ABCA12: variants seen among roughly 807,000 people sequenced by gnomAD.
ABCA12 encodes glucosylceramide transporter ABCA12.
In ABCA12, 156 loss-of-function variants were observed where a neutral mutation model predicts 293.5. The observed-to-expected ratio is 0.53, with a 90% CI of 0.47 to 0.61. The LOEUF (loss-of-function observed/expected upper bound fraction) is 0.61. Among genes scored for constraint, ABCA12 ranks in the 20% least tolerant of loss-of-function variants. The pLI is 0.00. For missense variants in ABCA12, 2,797 were observed against 3,090.2 expected, an observed-to-expected ratio of 0.91 and a Z score of 2.25; for synonymous variants, 1,063 against 1,108.0, an observed-to-expected ratio of 0.96 and a Z score of 0.81.
rs1411002556 is a variant in ABCA12 at position 214,990,707 on chromosome 2, A to G, written c.3619T>C (p.Phe1207Leu). Residue 1207 changes from phenylalanine to leucine, a missense_variant, in exon 24 of 53, where the codon TTC (phenylalanine) becomes CTC (leucine). Transcript: ENST00000272895. ...CATTCCAACGGTTGACTTACCATGA[A>G]CACTTTCAATACATAGCTCAACTCA... ...ENELSYVLKV[F>L]MSLLSPTAFS... The G allele has an allele frequency of 7.4e-6, 12 of 1,613,914 alleles. 1 individual carries two copies. The South Asian group carries it at 1.3e-4, about 18-fold the overall frequency.
At chr2:214,969,577 AT>A (rs1268531960) in intron 37 of ABCA12, among the ~76,000 whole-genome samples, 1 of 152,134 alleles carries the variant, frequency 6.6e-6, no homozygotes, top group African/African-American at 2.4e-5. Context: ...AATAAAACCC[AT>A]TTTGTTAAAA....
At chr2:215,079,443 A>G (rs1328146275) in intron 2 of ABCA12, among the ~76,000 whole-genome samples, 2 of 152,202 alleles carry the variant, frequency 1.3e-5, no homozygotes, top group Non-Finnish European at 1.5e-5. Flanking sequence ...ATATTGATGG[A>G]TAAATAATAG....
intron 9 of ABCA12, among the ~76,000 whole-genome samples, chr2:215,031,090 C>A (rs1266793391): frequency 6.6e-6 from 1 of 152,150 alleles, no homozygotes; most frequent in African/African-American, 2.4e-5. Flanking sequence ...CCATAATTAT[C>A]ACAGTTACTT....
intron 17 of ABCA12, among the ~76,000 whole-genome samples, 192 bp from the exon 18 acceptor site, chr2:215,010,662 A>G (rs1700352348): frequency 6.6e-6 from 1 of 152,186 alleles, no homozygotes; most frequent in Admixed American, 6.5e-5. Flanking sequence ...TAGGTGAGAA[A>G]GTTTAACCCA....
chr2:215,068,648 T>C (rs1701680185), intron 2 of ABCA12, among the ~76,000 whole-genome samples: 1 of 152,140 alleles, frequency 6.6e-6, no homozygotes, highest in Non-Finnish European at 1.5e-5. Context: ...CTTCTTAATG[T>C]TTTCTTCTTT....
chr2:214,960,534 A>C (rs1003523789), intron 39 of ABCA12: 4 of 152,148 alleles, frequency 2.6e-5, no homozygotes, highest in Non-Finnish European at 5.9e-5. Flanking sequence ...GACCTGTATC[A>C]TAATTATCTC....
chr2:215,084,727 T>C (rs1261019930), intron 2 of ABCA12, among the ~76,000 whole-genome samples: 1 of 152,192 alleles, frequency 6.6e-6, no homozygotes, highest in African/African-American at 2.4e-5. Context: ...TTTACCTTAC[T>C]GGCAAAGTTT....
Position 215,066,654 on chromosome 2 carries a change from G to A in ABCA12, c.164-2435C>T, listed in dbSNP as rs142604522. 2.2e-4 allele frequency among the ~76,000 whole-genome samples: 34 copies of A among 152,198 alleles called. No homozygotes were observed. The East Asian group carries it at 5.8e-3, about 26-fold the overall frequency. ...TTCTTTAAAAATAAACTCCCATGGT[G>A]TTGAAAGTATAGACAGTCTATGCTT... On this transcript the variant is annotated intron_variant, in intron 2 of 52. Transcript: ENST00000272895.
At chr2:215,013,889 T>C (rs1020049505) in intron 15 of ABCA12, among the ~76,000 whole-genome samples, 1 of 152,158 alleles carries the variant, frequency 6.6e-6, no homozygotes, top group Non-Finnish European at 1.5e-5. Context: ...GCAAATACAT[T>C]TTAAAAATGG....
chr2:214,968,751 G>A lies in ABCA12; in HGVS notation c.5747C>T (p.Thr1916Ile), dbSNP rs373276045. 99 of 1,613,296 alleles carry A rather than the reference G, an allele frequency of 6.1e-5. No homozygotes were observed. In the African/African-American group the frequency reaches 1.2e-3, roughly 20 times the overall value. The part of the protein sequence containing the change: ...PLTKDLRFDI[T>I]GVPANRTLAK... ...AAGTGTTCTATTGGCAGGGACTCCT[G>A]TTATATCAAAACGAAGGTCTTTTGT... Residue 1916 changes from threonine (T) to isoleucine (I), a missense_variant, in exon 38 of 53, where the codon ACA (threonine) becomes ATA (isoleucine). By Grantham distance (89) the Thr-to-Ile change is moderately conservative. This residue lies in a region of ABCA12 where 2,130 missense variants were observed against 2,427.0 expected (regional missense o/e 0.88). Transcript: ENST00000272895.
intron 2 of ABCA12, among the ~76,000 whole-genome samples, chr2:215,082,393 C>T (rs979876065): frequency 6.6e-5 from 10 of 152,036 alleles, no homozygotes; most frequent in Non-Finnish European, 1.3e-4. Flanking sequence ...CACCCCTTAG[C>T]GCTAAGCAGG....
At chr2:214,959,181 T>A in intron 39 of ABCA12, 103 bp from the exon 40 acceptor site, 1 of 1,030,888 alleles carries the variant, frequency 9.7e-7, no homozygotes. Context: ...TATTATTATC[T>A]AAACAATTTT....
At chr2:215,084,543 C>G (rs892154901) in intron 2 of ABCA12, among the ~76,000 whole-genome samples, 1 of 152,122 alleles carries the variant, frequency 6.6e-6, no homozygotes, top group Admixed American at 6.5e-5. Context: ...ACCTCAACAG[C>G]CTTAACACTA....
chr2:214,968,914 C>G, intron 37 of ABCA12, 107 bp from the exon 38 acceptor site: 2 of 860,500 alleles, frequency 2.3e-6, no homozygotes, highest in Non-Finnish European at 3.9e-6. Flanking sequence ...GTTAGGAACA[C>G]ATTTACAGTA....
intron 23 of ABCA12, among the ~76,000 whole-genome samples, chr2:214,993,083 G>A (rs1001271475): frequency 6.6e-6 from 1 of 152,044 alleles, no homozygotes; most frequent in African/African-American, 2.4e-5. Flanking sequence ...CGATAACTCT[G>A]CTGCTCCAGT....
intron 2 of ABCA12, among the ~76,000 whole-genome samples, chr2:215,068,229 A>G (rs541996540): frequency 6.6e-6 from 1 of 152,294 alleles, no homozygotes; most frequent in East Asian, 1.9e-4. Context: ...GGGGTTCATC[A>G]GTCTGTGTTT....
chr2:215,025,611 G>C, intron 11 of ABCA12, 62 bp downstream of exon 11: 1 of 1,092,066 alleles, frequency 9.2e-7, no homozygotes, highest in Non-Finnish European at 1.3e-6. Context: ...TTTTTTTTTT[G>C]TTTGTTTTGT....
Position 214,956,757 on chromosome 2 carries a change from C to A in ABCA12, c.6139G>T (p.Ala2047Ser). The change falls in exon 42 of 53, where the codon GCG becomes TCG. Residue 2047 changes from alanine to serine, a missense_variant. This residue lies in a region of ABCA12 where 2,130 missense variants were observed against 2,427.0 expected (regional missense o/e 0.88). Transcript: ENST00000272895. ...YDMVFYLVPV[A>S]FSIGIIAIFK... is the part of the protein sequence containing the mutation. ...ATCGCAATGATACCAATTGAAAACG[C>A]TACAGGCACCAAGTAGAAAACCTAT... 6.2e-7 allele frequency: 1 copy of A among 1,612,314 alleles called. No individual in the cohort carries two copies. Among genetic ancestry groups the A allele is most frequent in the Non-Finnish European group, 8.5e-7 (1 of 1,179,182 alleles).
chr2:215,003,199 T>C (rs1310997835), intron 20 of ABCA12, among the ~76,000 whole-genome samples: 1 of 152,218 alleles, frequency 6.6e-6, no homozygotes, highest in Non-Finnish European at 1.5e-5. Context: ...TCTGATGCTC[T>C]CAATCCGTTT....
Sources: gnomAD v4.1 joint callset for allele counts (sites outside exome capture counted in the v4.1 genomes callset) on GRCh38, gnomAD v4.1.1 for gene constraint, gnomAD v4.1.1 regional missense constraint, MANE v1.5 for transcripts, NCBI Gene and HGNC (gene_info 2026-07-23, HGNC 2026-07-21) for gene names.